The following PDC variants were observed in gnomAD, a reference collection of about 807,000 sequenced individuals.
PDC encodes the protein phosducin, also known as 33 kDa phototransducing protein.
Under a neutral mutation model 22.2 loss-of-function variants are expected in PDC, and 19 were observed. The ratio of observed to expected loss-of-function variants is 0.86; its 90% confidence interval spans 0.60 to 1.26. The LOEUF is 1.26. Ranked by LOEUF, PDC falls within the 50% of genes most tolerant of loss-of-function variation. PDC has a pLI of 0.00. For synonymous variants in PDC, 97 were observed against 96.2 expected, an observed-to-expected ratio of 1.01 and a Z score of -0.05; for missense variants, 274 against 286.8, an observed-to-expected ratio of 0.96 and a Z score of 0.32.
rs183826940 is a variant in PDC, at chr1:186,450,858, C to T, written c.-24-1375G>A. On this transcript the variant is annotated intron_variant, in intron 1 of 3. Transcript: ENST00000391997. ...AGGGGTCCATATAGTTGTGATTTTC[C>T]TGAAGTTTTCAAGTCAGGGAGGATA... Among the ~76,000 whole-genome samples the T allele has an allele frequency of 1.2e-4, 19 of 152,222 alleles. No homozygotes were observed. In the South Asian group the frequency reaches 3.9e-3, roughly 32 times the overall value.
chr1:186,448,845 A>T (rs1662290215), intron 2 of PDC: 2 of 166,048 alleles, frequency 1.2e-5, no homozygotes, highest in South Asian at 3.9e-4. Flanking sequence ...GTGAATTTTT[A>T]AATTTAAGTT....
intron 1 of PDC, 119 bp downstream of exon 1, chr1:186,460,940 T>G (rs1662570146): frequency 6.5e-6 from 1 of 154,338 alleles, no homozygotes; most frequent in African/African-American, 2.4e-5. Context: ...ATTCAAAACC[T>G]TATGTACTTT....
chr1:186,459,452 C>A (rs1452433026), intron 1 of PDC, among the ~76,000 whole-genome samples: 2 of 152,110 alleles, frequency 1.3e-5, no homozygotes, highest in East Asian at 3.9e-4. Flanking sequence ...TACAGATATT[C>A]TTTTACTTGT....
At chr1:186,448,642 T>C (rs1662285866) in intron 2 of PDC, 3 of 907,338 alleles carry the variant, frequency 3.3e-6, no homozygotes, top group South Asian at 5.1e-5. Context: ...TCTTCAATGG[T>C]CTTTTTGTTG....
intron 2 of PDC, 52 bp from the exon 3 acceptor site, chr1:186,446,629 G>T: frequency 1.8e-6 from 2 of 1,110,320 alleles, no homozygotes; most frequent in Non-Finnish European, 2.6e-6. Context: ...CAAAAGGACT[G>T]TTGGCATAAT....
At chr1:186,452,239 AT>A (rs909717470) in intron 1 of PDC, among the ~76,000 whole-genome samples, 50 of 151,512 alleles carry the variant, frequency 3.3e-4, no homozygotes, top group Admixed American at 1.2e-3. Context: ...CATACAATTA[AT>A]TTTTTTTTGT....
rs780676044 is a variant in PDC, at chr1:186,444,296, C to T, written c.424G>A (p.Glu142Lys). 4.2e-5 allele frequency: 68 copies of T among 1,613,826 alleles called. No homozygotes were observed. The highest frequency in any genetic ancestry group is 5.7e-5 in the Non-Finnish European group (67 of 1,179,856). Reference protein sequence around the residue: ...KITTIVVHIYEDGIKGCDALN... With the variant: ...KITTIVVHIYKDGIKGCDALN... ...GCATCACAACCCTTAATACCATCTTCATAAATGTGAACAACAATTGTGGTG... is the reference window on the plus strand; with the variant it reads ...GCATCACAACCCTTAATACCATCTTTATAAATGTGAACAACAATTGTGGTG... The change falls in exon 4 of 4, where the codon GAA becomes AAA. Residue 142 changes from glutamate (E) to lysine (K), a missense_variant. Physicochemically the swap from Glu to Lys is moderately conservative, Grantham distance 56. Coordinates refer to ENST00000391997, the MANE Select transcript of PDC (RefSeq NM_002597.5).
In PDC at chr1:186,446,443, C is replaced by T. The variant is rs267598240; in HGVS notation, c.196G>A (p.Glu66Lys). 1 of 1,601,362 alleles carries T rather than the reference C, an allele frequency of 6.2e-7. No homozygotes were observed. Among genetic ancestry groups the T allele is most frequent in the South Asian group, 1.1e-5 (1 of 88,704 alleles). ...TATCTTACCTTTCTGCTGACTCGTT[C>T]CTTTGAATCTTTGCCATTCCTACTC... is the stretch of plus-strand genomic sequence containing the variant. The part of the protein sequence containing the change: ...PQSRNGKDSK[E>K]RVSRKMSIQE... The change falls in exon 3 of 4, where the codon GAA becomes AAA. Residue 66 changes from glutamate (E) to lysine (K), a missense_variant. Transcript: ENST00000391997.
chr1:186,447,607 G>A (rs962979120), intron 2 of PDC, among the ~76,000 whole-genome samples: 2 of 151,690 alleles, frequency 1.3e-5, no homozygotes, highest in African/African-American at 4.8e-5. Context: ...CTAAAGCTTA[G>A]CTATATCTAC....
Position 186,444,093 on chromosome 1 carries a change from A to G in PDC, c.627T>C (p.Ala209=). The stretch of plus-strand genomic sequence containing the variant: ...CCACATCCCCAGCAAAAAATTCTTC[A>G]GCAAACTGTTCAGCAACACTAATAA... The part of the protein sequence containing the change: ...SNFISVAEQF[A]EEFFAGDVES... The change falls in exon 4 of 4, where the codon GCT becomes GCC. Residue 209 remains alanine, a synonymous_variant. Transcript: ENST00000391997. 1.2e-6 allele frequency: 2 copies of G among 1,614,004 alleles called. No homozygotes were observed. Among genetic ancestry groups the G allele is most frequent in the Non-Finnish European group, 1.7e-6 (2 of 1,179,898 alleles).
rs1157926478 is a variant in PDC at position 186,458,226 on chromosome 1, C to CTTTTTTTT, written c.-25+2825_-25+2832dup. Among the ~76,000 whole-genome samples, 458 of 88,372 alleles carry CTTTTTTTT rather than the reference C, an allele frequency of 5.2e-3. 40 individuals carry two copies. The highest frequency in any genetic ancestry group is 0.02 in the African/African-American group (435 of 21,794). The allele number at this position is 88,372 out of a possible 152,430, so 58.0% of individuals were successfully genotyped here. On this transcript the variant is annotated intron_variant, in intron 1 of 3. Coordinates refer to ENST00000391997, the MANE Select transcript of PDC (RefSeq NM_002597.5). ...TTTGCTATTATGACATACAGATATT[C>CTTTTTTTT]TTTTTTTTTTTTTTTTTTTTTTTTT...
At chr1:186,458,073 A>G (rs1485795622) in intron 1 of PDC, among the ~76,000 whole-genome samples, 1 of 152,068 alleles carries the variant, frequency 6.6e-6, no homozygotes, top group Non-Finnish European at 1.5e-5. Context: ...TCAGGAATGC[A>G]TAGCAAATAT....
chr1:186,451,604 A>G (rs1247592032), intron 1 of PDC: 1 of 152,202 alleles, frequency 6.6e-6, no homozygotes, highest in Non-Finnish European at 1.5e-5. Context: ...TAAGTTCAAG[A>G]AAATCTAAAA....
At chr1:186,459,887 T>A (rs1487520002) in intron 1 of PDC, among the ~76,000 whole-genome samples, 1 of 149,054 alleles carries the variant, frequency 6.7e-6, no homozygotes, top group Non-Finnish European at 1.5e-5. Flanking sequence ...TAAGGTTTAT[T>A]AGTAATAATA....
At chr1:186,455,683 C>T (rs1972167) in intron 1 of PDC, among the ~76,000 whole-genome samples, 2 of 151,064 alleles carry the variant, frequency 1.3e-5, no homozygotes, top group African/African-American at 2.4e-5. Context: ...GGCCAGTGGC[C>T]GGGCGCAGTG....
chr1:186,455,145 C>T (rs556178737), intron 1 of PDC, among the ~76,000 whole-genome samples: 172 of 152,278 alleles, frequency 1.1e-3, no homozygotes, highest in Non-Finnish European at 1.6e-3. Context: ...CTAAAAGTCT[C>T]TAATCAAGAT....
At chr1:186,444,828 GC>G (rs1448594202) in intron 3 of PDC, among the ~76,000 whole-genome samples, 1 of 152,108 alleles carries the variant, frequency 6.6e-6, no homozygotes, top group East Asian at 1.9e-4. Context: ...AAGTAAGACA[GC>G]TTTTCCTACT....
chr1:186,452,223 T>G (rs984866139), intron 1 of PDC, among the ~76,000 whole-genome samples: 1 of 152,170 alleles, frequency 6.6e-6, no homozygotes, highest in African/African-American at 2.4e-5. Flanking sequence ...ATGTACACAT[T>G]AGCATCATAC....
At chr1:186,452,005 G>T (rs554979627) in intron 1 of PDC, among the ~76,000 whole-genome samples, 1 of 152,272 alleles carries the variant, frequency 6.6e-6, no homozygotes, top group South Asian at 2.1e-4. Flanking sequence ...AATTGCTACT[G>T]TTTACTGCCA....
Sources: gnomAD v4.1 joint callset for allele counts (sites outside exome capture counted in the v4.1 genomes callset) on GRCh38, gnomAD v4.1.1 for gene constraint, MANE v1.5 for transcripts, NCBI Gene and HGNC (gene_info 2026-07-23, HGNC 2026-07-21) for gene names.